RYR1: variants seen among roughly 807,000 people sequenced by gnomAD.
RYR1 encodes the protein central core disease of muscle.
A neutral mutation model predicts 583.5 loss-of-function variants in RYR1; 342 were observed. That is an observed-to-expected ratio of 0.59 (90% CI 0.54 to 0.64). The LOEUF is 0.64. RYR1 is among the 30% of genes least tolerant of loss of function. The pLI, the probability that RYR1 is intolerant of heterozygous loss-of-function variation, is 0.00. For synonymous variants in RYR1, 2,791 were observed against 2,822.5 expected, an observed-to-expected ratio of 0.99 and a Z score of 0.35; for missense variants, 6,032 against 6,917.2, an observed-to-expected ratio of 0.87 and a Z score of 4.54.
intron 87 of RYR1, among the ~76,000 whole-genome samples, chr19:38,544,333 C>T (rs1972334244): frequency 6.6e-6 from 1 of 152,182 alleles, no homozygotes; most frequent in Non-Finnish European, 1.5e-5. Flanking sequence ...TGTTGAGCAC[C>T]ACCTTCCATT....
Position 38,516,074 on chromosome 19 carries a change from C to T in RYR1, c.9555-13C>T, listed in dbSNP as rs2960328. 6.0e-3 allele frequency: 9,327 copies of T among 1,546,552 alleles called. 399 individuals are homozygous for T. In the African/African-American group the frequency reaches 0.1, roughly 17 times the overall value. On this transcript the variant is annotated splice_polypyrimidine_tract_variant and intron_variant, in intron 64 of 105. Coordinates refer to ENST00000359596, the MANE Select transcript of RYR1 (RefSeq NM_000540.3). ...GGGGACACGTGGCAGCTAAACACAG[C>T]CCCGTCTTCCAGGCTTCGGCCAGCC...
chr19:38,545,915 A>G (rs1972401898), intron 87 of RYR1, among the ~76,000 whole-genome samples: 1 of 152,146 alleles, frequency 6.6e-6, no homozygotes, highest in South Asian at 2.1e-4. Context: ...AAAACTTTGT[A>G]TTGGAGGTTT....
chr19:38,517,839 C>A, intron 66 of RYR1, 148 bp downstream of exon 66: 1 of 754,624 alleles, frequency 1.3e-6, no homozygotes. Flanking sequence ...CAGGGGTCAG[C>A]TGGGCACCGT....
chr19:38,502,977 G>T lies in RYR1; in HGVS notation c.7926+7G>T. On this transcript the variant is annotated splice_region_variant and intron_variant, in intron 49 of 105. Transcript: ENST00000359596. ...CGCCAAGATGCCACTCAAGGTGAGGGCAAGCGCTCTTTAGCATCTCATTTC... is the reference window on the plus strand; with the variant it reads ...CGCCAAGATGCCACTCAAGGTGAGGTCAAGCGCTCTTTAGCATCTCATTTC... The T allele has an allele frequency of 6.2e-7, 1 of 1,607,230 alleles. No individual in the cohort carries two copies. The highest frequency in any genetic ancestry group is 8.5e-7 in the Non-Finnish European group (1 of 1,179,860).
rs571043780 is a variant in RYR1, at chr19:38,490,237, A to G, written c.5976A>G (p.Ala1992=). 4 of 1,614,092 alleles carry G rather than the reference A, an allele frequency of 2.5e-6. No individual in the cohort carries two copies. The highest frequency in any genetic ancestry group is 3.4e-6 in the Non-Finnish European group (4 of 1,180,058). ...TCAGCATGACCGCAGCAGAGACTGC[A>G]AGACGTACCCGCGAGTTCCGCTCCC... ...KAFSMTAAET[A]RRTREFRSPP... Residue 1992 remains alanine (A), a synonymous_variant, in exon 36 of 106, where the codon GCA becomes GCG. Transcript: ENST00000359596.
At position 38,485,384 on chromosome 19, in the gene RYR1, C is replaced by T. The variant is rs373204205; in HGVS notation, c.4935-206C>T. 7.2e-5 allele frequency among the ~76,000 whole-genome samples: 11 copies of T among 152,344 alleles called. 1 individual carries two copies. The highest frequency in any genetic ancestry group is 2.6e-4 in the African/African-American group (11 of 41,582). On this transcript the variant is annotated intron_variant, in intron 33 of 105. Transcript: ENST00000359596. Reference sequence around the variant, plus strand: ...CTGCAGCCTTCGACACTCGTCTAAGCATCTCTGCCTTTCTGGGGTCTGTGC... The same window carrying T: ...CTGCAGCCTTCGACACTCGTCTAAGTATCTCTGCCTTTCTGGGGTCTGTGC...
chr19:38,458,339 A>C lies in RYR1; in HGVS notation c.2167+47A>C, dbSNP rs1967536228. On this transcript the variant is annotated intron_variant, in intron 18 of 105. Transcript: ENST00000359596. ...ACCCTCACCCCTGACCATTGACCCC[A>C]GCATTTCTAAGTCTCTGACCATACA... 3 of 1,579,646 alleles carry C rather than the reference A, an allele frequency of 1.9e-6. No homozygotes were observed. The African/African-American group carries it at 4.0e-5, about 21-fold the overall frequency.
rs771016608 is a variant in RYR1 at position 38,458,314 on chromosome 19, A to C, written c.2167+22A>C. ...ACAGGTACCTGACCCCTTCCAGGGGACCCTCACCCCTGACCATTGACCCCA... is the reference window on the plus strand; with the variant it reads ...ACAGGTACCTGACCCCTTCCAGGGGCCCCTCACCCCTGACCATTGACCCCA... On this transcript the variant is annotated intron_variant, in intron 18 of 105. Transcript: ENST00000359596. The C allele has an allele frequency of 3.1e-6, 5 of 1,609,364 alleles. No homozygotes were observed. The South Asian group carries it at 3.3e-5, about 11-fold the overall frequency.
intron 1 of RYR1, among the ~76,000 whole-genome samples, chr19:38,438,864 C>T (rs1437133821): frequency 6.6e-6 from 1 of 151,974 alleles, no homozygotes; most frequent in Non-Finnish European, 1.5e-5. Context: ...GTGACCCTCC[C>T]ACCTTGTCCT....
intron 72 of RYR1, 119 bp from the exon 73 acceptor site, chr19:38,527,522 TGAAGAA>T (rs879116524): frequency 2.1e-5 from 27 of 1,284,066 alleles, no homozygotes; most frequent in Non-Finnish European, 2.7e-5. Context: ...AACAAAAAGA[TGAAGAA>T]GAAGAAAGGC....
intron 67 of RYR1, among the ~76,000 whole-genome samples, chr19:38,522,715 C>T (rs546694981): frequency 1.4e-4 from 21 of 152,076 alleles, no homozygotes; most frequent in African/African-American, 2.9e-4. Context: ...TTTGGGAGGC[C>T]GAGGTGGGTG....
intron 33 of RYR1, among the ~76,000 whole-genome samples, chr19:38,484,878 C>T (rs1969203808): frequency 6.6e-6 from 1 of 151,840 alleles, no homozygotes. Context: ...GAGGCTGAGG[C>T]AGGAGGATTG....
intron 89 of RYR1, among the ~76,000 whole-genome samples, chr19:38,556,353 A>G (rs775872566): frequency 6.6e-6 from 1 of 151,802 alleles, no homozygotes; most frequent in Non-Finnish European, 1.5e-5. Flanking sequence ...GTAGTAGTGC[A>G]TATCTGTAGT....
intron 25 of RYR1, 124 bp downstream of exon 25, chr19:38,467,936 A>C: frequency 1.3e-6 from 1 of 797,180 alleles, no homozygotes; most frequent in Admixed American, 2.1e-5. Context: ...TGTACCACTC[A>C]TCCACCCATC....
At position 38,483,248 on chromosome 19, in the gene RYR1, G is replaced by T; in HGVS notation, c.4708-42G>T. 6.4e-7 allele frequency: 1 copy of T among 1,570,668 alleles called. No individual in the cohort carries two copies. The highest frequency in any genetic ancestry group is 8.6e-7 in the Non-Finnish European group (1 of 1,156,468). ...CTGGAAGTGGTGTGGTGGGACAGAG[G>T]GGGCTGGCCATCTTGACCCATGTGT... is the stretch of plus-strand genomic sequence containing the variant. On this transcript the variant is annotated intron_variant, in intron 32 of 105. Coordinates refer to ENST00000359596, the MANE Select transcript of RYR1 (RefSeq NM_000540.3). The surrounding 1 kb of genome is among the most constrained non-coding windows in gnomAD (Gnocchi z 6.3).
rs751478711 is a variant in RYR1 at position 38,444,249 on chromosome 19, C to T, written c.525C>T (p.Ser175=). The change falls in exon 6 of 106, where the codon TCC becomes TCT. Residue 175 remains serine, a synonymous_variant. Transcript: ENST00000359596. This position sits in a 1 kb window ranked among gnomAD's most constrained non-coding sequence, Gnocchi z 5.1. The part of the protein sequence containing the change: ...GDDIILVSVS[S]ERYLHLSTAS... ...ACATCATCCTTGTCAGTGTCTCCTCCGAGCGCTACCTGGTGAGCCATTGCG... is the reference window on the plus strand; with the variant it reads ...ACATCATCCTTGTCAGTGTCTCCTCTGAGCGCTACCTGGTGAGCCATTGCG... The T allele has an allele frequency of 9.3e-6, 15 of 1,613,180 alleles. No homozygotes were observed. The East Asian group carries it at 1.1e-4, about 12-fold the overall frequency.
At chr19:38,469,220 A>T in intron 26 of RYR1, 80 bp downstream of exon 26, 1 of 1,603,928 alleles carries the variant, frequency 6.2e-7, no homozygotes, top group Non-Finnish European at 8.5e-7. Flanking sequence ...TCTGCCTCCA[A>T]CTCTCCCATC....
At chr19:38,526,672 A>G (rs1971479768) in intron 71 of RYR1, among the ~76,000 whole-genome samples, 1 of 134,956 alleles carries the variant, frequency 7.4e-6, no homozygotes, top group African/African-American at 2.9e-5. Context: ...TCCCTGCCCC[A>G]CTCTGACCCC....
chr19:38,494,594 CAGG>C lies in RYR1; in HGVS notation c.6523_6525del (p.Glu2175del), dbSNP rs1568494040. ...GCTGCTCATCGTGCAGATGGGCCCC[CAGG>C]AGGAGAACCTCATGATCCAGAGCAT... On this transcript the variant is annotated inframe_deletion, in exon 39 of 106. Coordinates refer to ENST00000359596, the MANE Select transcript of RYR1 (RefSeq NM_000540.3). 2.5e-6 allele frequency: 4 copies of C among 1,614,038 alleles called. No individual in the cohort carries two copies. Among genetic ancestry groups the C allele is most frequent in the Non-Finnish European group, 3.4e-6 (4 of 1,180,044 alleles).
Sources: gnomAD v4.1 joint callset for allele counts (sites outside exome capture counted in the v4.1 genomes callset) on GRCh38, gnomAD v4.1.1 for gene constraint, Gnocchi (gnomAD v3.1) non-coding constraint, MANE v1.5 for transcripts, NCBI Gene and HGNC (gene_info 2026-07-23, HGNC 2026-07-21) for gene names.